ANK3: variants seen among roughly 807,000 people sequenced by gnomAD.
The protein encoded by ANK3 is ankyrin 3.
Under a neutral mutation model 370.9 loss-of-function variants are expected in ANK3, and 57 were observed. The ratio of observed to expected loss-of-function variants is 0.15; its 90% CI spans 0.12 to 0.19. The LOEUF (loss-of-function observed/expected upper bound fraction) is 0.19, where lower values mean the gene tolerates loss of function less well. Among genes scored for constraint, ANK3 ranks in the 10% least tolerant of loss-of-function variants. The probability of loss-of-function intolerance (pLI) is 1.00; values close to 1 mark genes in which losing one functional copy is unlikely to be tolerated. For missense variants in ANK3, 4,439 were observed against 5,302.1 expected, an observed-to-expected ratio of 0.84 and a Z score of 5.06; for synonymous variants, 1,929 against 1,946.3, an observed-to-expected ratio of 0.99 and a Z score of 0.23.
rs543561141 is a variant in ANK3, at chr10:60,630,880, G to A, written c.58-15656C>T. Among the ~76,000 whole-genome samples, 12 of 152,236 alleles carry A rather than the reference G, an allele frequency of 7.9e-5. No homozygotes were observed. In the East Asian group the frequency reaches 2.3e-3, roughly 29 times the overall value. ...ATTGCACAGAGGGACCAGAAAGGAG[G>A]CTACAACGTCACCAATATGAGAGAT... On this transcript the variant is annotated intron_variant, in intron 1 of 43. Transcript: ENST00000373827.
In ANK3 at chr10:60,070,648, C is replaced by T. The variant is rs1432993001; in HGVS notation, c.10233G>A (p.Glu3411=). The change falls in exon 37 of 44, where the codon GAG becomes GAA. Residue 3411 remains glutamate, a synonymous_variant. Coordinates refer to ENST00000280772, the MANE Select transcript of ANK3 (RefSeq NM_020987.5). The surrounding 1 kb of genome is among the most constrained non-coding windows in gnomAD (Gnocchi z 5.7). ...GGTCATAGCCATCCAGAGAGTCGATCTCTGTGGCATCCGTGTCATGAGAAA... is the reference window on the plus strand; with the variant it reads ...GGTCATAGCCATCCAGAGAGTCGATTTCTGTGGCATCCGTGTCATGAGAAA... ...AEFSHDTDAT[E]IDSLDGYDLQ... The T allele has an allele frequency of 1.2e-5, 20 of 1,614,014 alleles. No homozygotes were observed. The highest frequency in any genetic ancestry group is 1.5e-5 in the Non-Finnish European group (18 of 1,180,030).
At position 60,070,888 on chromosome 10, in the gene ANK3, T is replaced by G. The variant is rs754609979; in HGVS notation, c.9993A>C (p.Lys3331Asn). Residue 3331 changes from lysine to asparagine, a missense_variant, in exon 37 of 44, where the codon AAA becomes AAC. This residue lies in a region of ANK3 where 1,601 missense variants were observed against 1,731.7 expected (regional missense o/e 0.92). Transcript: ENST00000280772. This position sits in a 1 kb window ranked among gnomAD's most constrained non-coding sequence, Gnocchi z 5.7. ...ESIYQPVPVK[K>N]YTFKLKEVDD... ...CCACTTCCTTTAATTTGAAGGTATA[T>G]TTTTTAACTGGGACTGGCTGATAAA... 3.1e-6 allele frequency: 5 copies of G among 1,613,928 alleles called. No homozygotes were observed. In the Admixed American group the frequency reaches 5.0e-5, roughly 16 times the overall value.
At chr10:60,285,139 T>C (rs2098225242) in intron 1 of ANK3, among the ~76,000 whole-genome samples, 1 of 152,068 alleles carries the variant, frequency 6.6e-6, no homozygotes, top group Non-Finnish European at 1.5e-5. Flanking sequence ...TACCTCTTAG[T>C]GTTTGGTAAG....
At chr10:60,167,838 C>G (rs2095664694) in intron 21 of ANK3, among the ~76,000 whole-genome samples, 1 of 152,062 alleles carries the variant, frequency 6.6e-6, no homozygotes, top group South Asian at 2.1e-4. Flanking sequence ...ACCCCTATCC[C>G]CAATTATTGT....
chr10:60,594,100 T>C (rs1407990394), intron 2 of ANK3, among the ~76,000 whole-genome samples: 2 of 152,214 alleles, frequency 1.3e-5, no homozygotes, highest in Non-Finnish European at 2.9e-5. Flanking sequence ...ATTATCTGTT[T>C]TAATTTTCAT....
chr10:60,665,133 G>A (rs544310927), intron 1 of ANK3, among the ~76,000 whole-genome samples: 9 of 152,184 alleles, frequency 5.9e-5, no homozygotes, highest in African/African-American at 1.2e-4. Flanking sequence ...TTAACGATGC[G>A]AACCCTCTGC....
At chr10:60,250,273 T>C (rs1196765155) in intron 7 of ANK3, among the ~76,000 whole-genome samples, 1 of 152,226 alleles carries the variant, frequency 6.6e-6, no homozygotes, top group Admixed American at 6.5e-5. Context: ...GAGTTAATGA[T>C]TCAGAATCTA....
chr10:60,083,732 T>A (rs2085890190), intron 32 of ANK3, 115 bp from the exon 33 acceptor site: 1 of 861,796 alleles, frequency 1.2e-6, no homozygotes, highest in Admixed American at 3.0e-5. Flanking sequence ...GTGTCTCTAT[T>A]AGGCAGTTAC....
intron 1 of ANK3, among the ~76,000 whole-genome samples, chr10:60,646,743 A>G (rs2078715155): frequency 6.6e-6 from 1 of 152,200 alleles, no homozygotes; most frequent in Non-Finnish European, 1.5e-5. Flanking sequence ...ATGACTATTA[A>G]GCAGTTACTG....
At chr10:60,567,683 T>C (rs564410486) in intron 2 of ANK3, among the ~76,000 whole-genome samples, 2 of 152,316 alleles carry the variant, frequency 1.3e-5, no homozygotes, top group East Asian at 3.9e-4. Context: ...GTTTGTCTGA[T>C]GGGTCTGAGC....
intron 1 of ANK3, among the ~76,000 whole-genome samples, chr10:60,710,515 A>G (rs2079689638): frequency 6.6e-6 from 1 of 152,152 alleles, no homozygotes; most frequent in Admixed American, 6.5e-5. Flanking sequence ...ATGCATTCAT[A>G]AAATACCTTT....
chr10:60,495,368 A>C (rs1282968297), intron 2 of ANK3, among the ~76,000 whole-genome samples: 1 of 152,194 alleles, frequency 6.6e-6, no homozygotes, highest in Non-Finnish European at 1.5e-5. Flanking sequence ...CCTGGGCTAC[A>C]CCTAGACTTA....
chr10:60,251,442 T>C (rs1030342580), intron 7 of ANK3, among the ~76,000 whole-genome samples: 1 of 152,188 alleles, frequency 6.6e-6, no homozygotes, highest in African/African-American at 2.4e-5. Flanking sequence ...GGCCTTTCGG[T>C]TGGGACACTG....
chr10:60,112,673 G>A (rs73257341), intron 26 of ANK3, among the ~76,000 whole-genome samples: 6,177 of 152,144 alleles, frequency 0.041, 396 homozygotes, highest in African/African-American at 0.14. Context: ...TGAGTAATAC[G>A]TATCTCACAG....
At chr10:60,383,275 A>G (rs537363059) in intron 1 of ANK3, among the ~76,000 whole-genome samples, 41 of 152,306 alleles carry the variant, frequency 2.7e-4, no homozygotes, top group African/African-American at 9.9e-4. Context: ...AACAACAACA[A>G]CTGCAACAAC....
At chr10:60,507,486 A>G (rs974249044) in intron 2 of ANK3, 8 of 152,130 alleles carry the variant, frequency 5.3e-5, no homozygotes, top group African/African-American at 1.4e-4. Flanking sequence ...GAATCCAGGT[A>G]CTATCTAAGT....
intron 5 of ANK3, among the ~76,000 whole-genome samples, chr10:60,267,379 C>T (rs2097898180): frequency 6.6e-6 from 1 of 152,158 alleles, no homozygotes; most frequent in Non-Finnish European, 1.5e-5. Context: ...GTTCAAACAT[C>T]TCTAGGTAAT....
rs575463184 is a variant in ANK3, at chr10:60,231,265, T to C, written c.897+3423A>G. 3.9e-5 allele frequency among the ~76,000 whole-genome samples: 6 copies of C among 152,328 alleles called. No homozygotes were observed. In the South Asian group the frequency reaches 1.2e-3, roughly 32 times the overall value. ...CTGAACACAATTCAAGTTTACATCC[T>C]TGAATGAAAGAGCTCTAAGAATCTT... is the stretch of plus-strand genomic sequence containing the variant. On this transcript the variant is annotated intron_variant, in intron 8 of 43. Transcript: ENST00000280772.
intron 1 of ANK3, among the ~76,000 whole-genome samples, chr10:60,343,148 T>A (rs2132989368): frequency 6.6e-6 from 1 of 152,314 alleles, no homozygotes; most frequent in South Asian, 2.1e-4. Flanking sequence ...TGAATAATAT[T>A]TATACAATCA....
Sources: allele counts gnomAD v4.1 joint callset (sites outside exome capture counted in the v4.1 genomes callset), GRCh38; gene constraint gnomAD v4.1.1; regional missense constraint gnomAD v4.1.1; non-coding constraint Gnocchi (gnomAD v3.1); transcripts MANE v1.5; gene names NCBI Gene and HGNC (gene_info 2026-07-23, HGNC 2026-07-21).